The following ELMO1 variants were observed in gnomAD, a reference collection of about 807,000 sequenced individuals.
The protein encoded by ELMO1 is engulfment and cell motility 1.
Under a neutral mutation model 98.9 loss-of-function variants are expected in ELMO1, and 26 were observed. The ratio of observed to expected loss-of-function variants is 0.26; its 90% confidence interval spans 0.19 to 0.36. The LOEUF (loss-of-function observed/expected upper bound fraction) is 0.36, where lower values mean the gene tolerates loss of function less well. Ranked by LOEUF, ELMO1 falls within the 10% of genes least tolerant of loss-of-function variation. The pLI, the probability that ELMO1 is intolerant of heterozygous loss-of-function variation, is 1.00. For missense variants in ELMO1, 627 were observed against 935.2 expected (o/e 0.67, Z 4.30); for synonymous variants, 346 against 346.0 (o/e 1.00, Z 0.00).
chr7:36,965,769 C>A (rs369495234), intron 16 of ELMO1, among the ~76,000 whole-genome samples: 23 of 152,118 alleles, frequency 1.5e-4, no homozygotes, highest in African/African-American at 5.3e-4. Context: ...CCATTCCAAA[C>A]ACATCATTTC....
intron 15 of ELMO1, among the ~76,000 whole-genome samples, chr7:37,071,719 T>C (rs538402829): frequency 1.3e-5 from 2 of 152,336 alleles, no homozygotes; most frequent in Admixed American, 6.5e-5. Flanking sequence ...TGCTACCATA[T>C]TTTATTTACT....
chr7:37,005,278 T>C lies in ELMO1; in HGVS notation c.1437+8021A>G, dbSNP rs552788652. Among the ~76,000 whole-genome samples, 4 of 152,024 alleles carry C rather than the reference T, an allele frequency of 2.6e-5. No individual in the cohort carries two copies. The South Asian group carries it at 8.3e-4, about 32-fold the overall frequency. On this transcript the variant is annotated intron_variant, in intron 16 of 21. Coordinates refer to ENST00000310758, the MANE Select transcript of ELMO1 (RefSeq NM_014800.11). The stretch of plus-strand genomic sequence containing the variant: ...GAGGGTTGGGAGATGCAGGGTACAG[T>C]GCACAACCCCAGGACAGTCCCTGAA...
At chr7:37,001,478 T>G (rs1792666965) in intron 16 of ELMO1, among the ~76,000 whole-genome samples, 2 of 152,228 alleles carry the variant, frequency 1.3e-5, no homozygotes, top group South Asian at 4.1e-4. Flanking sequence ...TCCAATGATA[T>G]ATTGAAATAT....
chr7:37,090,098 C>T (rs2129246963), intron 15 of ELMO1, among the ~76,000 whole-genome samples: 1 of 152,316 alleles, frequency 6.6e-6, no homozygotes, highest in Middle Eastern at 3.4e-3. Flanking sequence ...AGGTAGCCAT[C>T]ATCTTGCTAC....
chr7:37,369,609 G>A (rs968900401), intron 1 of ELMO1, among the ~76,000 whole-genome samples: 1 of 144,008 alleles, frequency 6.9e-6, no homozygotes, highest in Admixed American at 7.0e-5. Flanking sequence ...TAGGATACAA[G>A]AATATCCTAA....
At chr7:36,984,341 C>T (rs545129992) in intron 16 of ELMO1, among the ~76,000 whole-genome samples, 11 of 152,336 alleles carry the variant, frequency 7.2e-5, no homozygotes, top group African/African-American at 2.6e-4. Context: ...GGTCACTGAC[C>T]TTGTCAAGTG....
intron 14 of ELMO1, among the ~76,000 whole-genome samples, chr7:37,120,388 G>T (rs529648792): frequency 6.6e-6 from 1 of 152,240 alleles, no homozygotes; most frequent in Non-Finnish European, 1.5e-5. Flanking sequence ...AAGGGAAGGG[G>T]TAACAAACAG....
intron 7 of ELMO1, among the ~76,000 whole-genome samples, chr7:37,240,567 AC>A (rs1794714875): frequency 6.6e-6 from 1 of 151,622 alleles, no homozygotes; most frequent in Admixed American, 6.6e-5. Context: ...AAAAACTTAG[AC>A]CATTTTTTTT....
At chr7:37,126,523 AC>A (rs1563019821) in intron 14 of ELMO1, among the ~76,000 whole-genome samples, 1 of 152,094 alleles carries the variant, frequency 6.6e-6, no homozygotes, top group Admixed American at 6.5e-5. Flanking sequence ...ATAATAACTT[AC>A]AAAATAATGA....
chr7:37,029,590 G>A (rs1251546136), intron 15 of ELMO1, among the ~76,000 whole-genome samples: 1 of 152,098 alleles, frequency 6.6e-6, no homozygotes, highest in Non-Finnish European at 1.5e-5. Flanking sequence ...CTCTCAGAAT[G>A]TATTGAACAT....
intron 13 of ELMO1, among the ~76,000 whole-genome samples, chr7:37,166,224 TCTC>T (rs1789678954): frequency 6.6e-6 from 1 of 152,188 alleles, no homozygotes; most frequent in Non-Finnish European, 1.5e-5. Context: ...TTGATTCTTC[TCTC>T]TTTTTTTCTT....
chr7:36,991,283 C>T (rs1403191570), intron 16 of ELMO1, among the ~76,000 whole-genome samples: 1 of 152,150 alleles, frequency 6.6e-6, no homozygotes, highest in African/African-American at 2.4e-5. Context: ...AGCCCACACA[C>T]ATAAAACACA....
chr7:37,348,080 GC>G (rs1445700071), intron 1 of ELMO1, among the ~76,000 whole-genome samples: 1 of 152,170 alleles, frequency 6.6e-6, no homozygotes, highest in Non-Finnish European at 1.5e-5. Flanking sequence ...CAGACTCAGG[GC>G]CGCGGCAGGC....
chr7:36,888,490 G>A (rs980766893), intron 17 of ELMO1, among the ~76,000 whole-genome samples: 2 of 152,150 alleles, frequency 1.3e-5, no homozygotes, highest in Non-Finnish European at 2.9e-5. Flanking sequence ...AGAAGTACTG[G>A]TTAGAACATA....
chr7:36,884,335 T>C (rs936478768), intron 18 of ELMO1, among the ~76,000 whole-genome samples: 1 of 151,144 alleles, frequency 6.6e-6, no homozygotes, highest in Non-Finnish European at 1.5e-5. Flanking sequence ...AAAAAATCTA[T>C]ATTCTGAGGC....
At chr7:36,859,752 C>T (rs1802468914) in intron 21 of ELMO1, among the ~76,000 whole-genome samples, 1 of 152,168 alleles carries the variant, frequency 6.6e-6, no homozygotes, top group South Asian at 2.1e-4. Context: ...TTAATGGTGC[C>T]TGGCAGAGAG....
At chr7:37,070,002 G>A (rs756579993) in intron 15 of ELMO1, among the ~76,000 whole-genome samples, 2 of 152,168 alleles carry the variant, frequency 1.3e-5, no homozygotes, top group Non-Finnish European at 1.5e-5. Context: ...CAACATAGGA[G>A]GGTGACGAGG....
intron 1 of ELMO1, among the ~76,000 whole-genome samples, chr7:37,394,656 AAC>A (rs1388242261): frequency 3.3e-5 from 5 of 152,268 alleles, no homozygotes; most frequent in African/African-American, 1.2e-4. Flanking sequence ...GTGTGGAGGA[AAC>A]AGAGACCAGA....
intron 1 of ELMO1, among the ~76,000 whole-genome samples, chr7:37,412,432 A>G (rs142924514): frequency 1.2e-3 from 189 of 152,316 alleles, no homozygotes; most frequent in African/African-American, 4.2e-3. Context: ...TAAATTGCCA[A>G]TTTCTACTTT....
Sources: allele counts gnomAD v4.1 joint callset (sites outside exome capture counted in the v4.1 genomes callset), GRCh38; gene constraint gnomAD v4.1.1; transcripts MANE v1.5; gene names NCBI Gene and HGNC (gene_info 2026-07-23, HGNC 2026-07-21).